The following RFTN2 variants were observed in gnomAD, a reference collection of about 807,000 sequenced individuals.
RFTN2 encodes raftlin-2.
RFTN2 carries 34 observed loss-of-function variants against 52.7 expected under a neutral mutation model. The observed-to-expected ratio is 0.64, with a 90% CI of 0.49 to 0.86. The LOEUF is 0.86. Ranked by LOEUF, RFTN2 falls within the 40% of genes least tolerant of loss-of-function variation. RFTN2 has a pLI of 0.00. For synonymous variants in RFTN2, 203 were observed against 217.7 expected, an observed-to-expected ratio of 0.93 and a Z score of 0.59; for missense variants, 536 against 600.1, an observed-to-expected ratio of 0.89 and a Z score of 1.12.
chr2:197,613,584 A>G (rs1292754139), intron 7 of RFTN2, among the ~76,000 whole-genome samples: 2 of 152,236 alleles, frequency 1.3e-5, no homozygotes, highest in African/African-American at 4.8e-5. Flanking sequence ...ATCATTGACC[A>G]TGATTACTAT....
At chr2:197,579,184 G>C (rs2087466038) in intron 8 of RFTN2, among the ~76,000 whole-genome samples, 1 of 152,200 alleles carries the variant, frequency 6.6e-6, no homozygotes, top group Non-Finnish European at 1.5e-5. Flanking sequence ...TTTCAGAGGT[G>C]TCTGATCATG....
chr2:197,638,678 C>A (rs1202361298), intron 3 of RFTN2, among the ~76,000 whole-genome samples: 5 of 148,868 alleles, frequency 3.4e-5, no homozygotes, highest in African/African-American at 1.2e-4. Context: ...ACTGATGGGT[C>A]TTGACTCTTT....
intron 3 of RFTN2, among the ~76,000 whole-genome samples, chr2:197,635,326 C>T (rs893637691): frequency 0.024 from 3,692 of 152,134 alleles, 142 homozygotes; most frequent in African/African-American, 0.083. Flanking sequence ...ACTTCCACAA[C>T]GGTTGAACTA....
At chr2:197,587,177 C>A (rs546024456) in intron 8 of RFTN2, among the ~76,000 whole-genome samples, 2 of 152,210 alleles carry the variant, frequency 1.3e-5, no homozygotes, top group East Asian at 3.9e-4. Flanking sequence ...CCCCTTACCA[C>A]AAAATCCTCC....
chr2:197,600,394 G>A (rs1051818068), intron 7 of RFTN2, among the ~76,000 whole-genome samples: 3 of 152,102 alleles, frequency 2.0e-5, no homozygotes, highest in Non-Finnish European at 2.9e-5. Flanking sequence ...GAGATATGTC[G>A]GAAACTTCTA....
intron 8 of RFTN2, among the ~76,000 whole-genome samples, chr2:197,593,689 C>T (rs146396290): frequency 2.6e-5 from 4 of 152,046 alleles, no homozygotes; most frequent in African/African-American, 9.6e-5. Flanking sequence ...GAGATCAAGA[C>T]CATCCTGGCC....
chr2:197,674,791 C>CT (rs35890768), intron 1 of RFTN2, among the ~76,000 whole-genome samples: 125 of 142,032 alleles, frequency 8.8e-4, no homozygotes, highest in Admixed American at 7.1e-4. Flanking sequence ...AGAAGGCTAT[C>CT]TTTTTTTTTT....
At chr2:197,626,333 A>G (rs1320692420) in intron 5 of RFTN2, among the ~76,000 whole-genome samples, 1 of 152,030 alleles carries the variant, frequency 6.6e-6, no homozygotes, top group African/African-American at 2.4e-5. Context: ...TGGGAGGCCA[A>G]AGCTGGAGGA....
chr2:197,588,206 A>AT (rs942212274), intron 8 of RFTN2, among the ~76,000 whole-genome samples: 6 of 152,116 alleles, frequency 3.9e-5, no homozygotes, highest in South Asian at 2.1e-4. Flanking sequence ...ATATTTTCCT[A>AT]TTTTTTTCTC....
At position 197,571,845 on chromosome 2, in the gene RFTN2, C is replaced by G; in HGVS notation, c.*163G>C. 1.6e-6 allele frequency: 1 copy of G among 632,964 alleles called. No homozygotes were observed. The highest frequency in any genetic ancestry group is 2.8e-6 in the Non-Finnish European group (1 of 363,254). The allele number at this position is 632,964 out of a possible 1,614,324, so 39.2% of individuals were successfully genotyped here. On this transcript the variant is annotated 3_prime_UTR_variant, in exon 9 of 9. Coordinates refer to ENST00000295049, the MANE Select transcript of RFTN2 (RefSeq NM_144629.3). ...TGTATAAATATGTTGGTTATTCTTC[C>G]TTGTCTGGGAGGTTGTGCCAAAGTT...
In RFTN2 at chr2:197,647,036, A is replaced by G. The variant is rs1346425247; in HGVS notation, c.140-370T>C. 3.3e-5 allele frequency among the ~76,000 whole-genome samples: 5 copies of G among 152,276 alleles called. No individual in the cohort carries two copies. The East Asian group carries it at 5.8e-4, about 18-fold the overall frequency. On this transcript the variant is annotated intron_variant, in intron 1 of 8. Coordinates refer to ENST00000295049, the MANE Select transcript of RFTN2 (RefSeq NM_144629.3). ...AATTAGTAGATACATAATATCACCCATATGTCTAAAGCAGAAATACAATGT... is the reference window on the plus strand; with the variant it reads ...AATTAGTAGATACATAATATCACCCGTATGTCTAAAGCAGAAATACAATGT...
intron 3 of RFTN2, 24 bp downstream of exon 3, chr2:197,644,134 T>C (rs1467869367): frequency 3.8e-6 from 5 of 1,302,266 alleles, no homozygotes; most frequent in East Asian, 4.6e-5. Flanking sequence ...CAATATCCCA[T>C]GAAAAAGTGC....
At chr2:197,632,735 G>C (rs1272605349) in intron 4 of RFTN2, among the ~76,000 whole-genome samples, 2 of 152,154 alleles carry the variant, frequency 1.3e-5, no homozygotes, top group African/African-American at 4.8e-5. Context: ...AATGCTCCCA[G>C]TTATTTCTTC....
intron 8 of RFTN2, among the ~76,000 whole-genome samples, chr2:197,583,480 G>A (rs2106170571): frequency 6.6e-6 from 1 of 152,194 alleles, no homozygotes; most frequent in South Asian, 2.1e-4. Flanking sequence ...CACCCCAGCA[G>A]TTTCTCAGGC....
At chr2:197,586,830 TACTC>T (rs1294303416) in intron 8 of RFTN2, among the ~76,000 whole-genome samples, 1 of 152,194 alleles carries the variant, frequency 6.6e-6, no homozygotes, top group East Asian at 1.9e-4. Context: ...GGCCTTGACT[TACTC>T]ACTGCTGAAA....
chr2:197,610,224 T>G (rs531366501), intron 7 of RFTN2, among the ~76,000 whole-genome samples: 7 of 152,280 alleles, frequency 4.6e-5, no homozygotes, highest in East Asian at 1.9e-4. Context: ...CCATTTTCAC[T>G]ATATTGATTC....
intron 5 of RFTN2, among the ~76,000 whole-genome samples, chr2:197,630,120 T>C (rs2088444374): frequency 6.6e-6 from 1 of 152,238 alleles, no homozygotes; most frequent in Non-Finnish European, 1.5e-5. Flanking sequence ...CGTTTGGTCC[T>C]TAATACTGCT....
chr2:197,575,786 A>AATATATTATATATATTTTATATACATAAT (rs2087401707), intron 8 of RFTN2, among the ~76,000 whole-genome samples: 8 of 99,148 alleles, frequency 8.1e-5, no homozygotes, highest in East Asian at 3.1e-4. Flanking sequence ...TTCTATATAT[A>AATATATTATATATATTTTATATACATAAT]ATATATTATA....
rs183722297 is a variant in RFTN2, at chr2:197,582,652, C to T, written c.1234-10372G>A. 3.9e-5 allele frequency among the ~76,000 whole-genome samples: 6 copies of T among 152,318 alleles called. No individual in the cohort carries two copies. The East Asian group carries it at 7.7e-4, about 20-fold the overall frequency. On this transcript the variant is annotated intron_variant, in intron 8 of 8. Coordinates refer to ENST00000295049, the MANE Select transcript of RFTN2 (RefSeq NM_144629.3). ...GACAATGCATCAATATTTACACTGACTCTAAATATGCCTTGCATATCCACA... is the reference window on the plus strand; with the variant it reads ...GACAATGCATCAATATTTACACTGATTCTAAATATGCCTTGCATATCCACA...
Sources: allele counts gnomAD v4.1 joint callset (sites outside exome capture counted in the v4.1 genomes callset), GRCh38; gene constraint gnomAD v4.1.1; transcripts MANE v1.5; gene names NCBI Gene and HGNC (gene_info 2026-07-23, HGNC 2026-07-21).